The following LDAH variants were observed in gnomAD, a reference collection of about 807,000 sequenced individuals.
LDAH encodes lipid droplet associated hydrolase, also known as lipid droplet-associated hydrolase.
A neutral mutation model predicts 29.6 loss-of-function variants in LDAH; 26 were observed. The ratio of observed to expected loss-of-function variants is 0.88; its 90% CI spans 0.64 to 1.22. The LOEUF is 1.22. LDAH is among the 50% of genes most tolerant of loss of function. LDAH has a pLI of 0.00. For synonymous variants in LDAH, 117 were observed against 133.0 expected (o/e 0.88, Z 0.83); for missense variants, 344 against 387.3 (o/e 0.89, Z 0.94).
chr2:20,702,006 A>ATC (rs779253097), intron 5 of LDAH, among the ~76,000 whole-genome samples: 2 of 152,102 alleles, frequency 1.3e-5, no homozygotes, highest in Non-Finnish European at 2.9e-5. Flanking sequence ...TTACCAATAA[A>ATC]TCATGTATAC....
At chr2:20,722,415 G>A (rs1665718160) in intron 5 of LDAH, among the ~76,000 whole-genome samples, 1 of 149,460 alleles carries the variant, frequency 6.7e-6, no homozygotes, top group South Asian at 2.1e-4. Flanking sequence ...ATCTCACAGG[G>A]GTAGACAGTA....
chr2:20,732,355 T>C (rs969783666), intron 5 of LDAH, among the ~76,000 whole-genome samples: 1 of 152,140 alleles, frequency 6.6e-6, no homozygotes, highest in African/African-American at 2.4e-5. Context: ...TCTTCTTTTT[T>C]TGTATTATTT....
intron 4 of LDAH, among the ~76,000 whole-genome samples, chr2:20,745,175 T>C (rs567545544): frequency 2.4e-4 from 36 of 152,188 alleles, no homozygotes; most frequent in Non-Finnish European, 4.7e-4. Context: ...CACTTCAAAG[T>C]AGAAACACTG....
chr2:20,792,423 A>G (rs1558483616), intron 2 of LDAH, among the ~76,000 whole-genome samples: 5 of 152,186 alleles, frequency 3.3e-5, no homozygotes, highest in African/African-American at 1.2e-4. Context: ...CTTAGCCAAC[A>G]TCACATATAT....
At chr2:20,779,250 T>C (rs1033974222) in intron 3 of LDAH, among the ~76,000 whole-genome samples, 3 of 152,012 alleles carry the variant, frequency 2.0e-5, no homozygotes, top group Admixed American at 6.6e-5. Context: ...AAGATGAAAA[T>C]ACAGTTTCCT....
In LDAH at chr2:20,685,542, C is replaced by A; in HGVS notation, c.*1361G>T. On this transcript the variant is annotated 3_prime_UTR_variant, in exon 7 of 7. Transcript: ENST00000237822. ...CCAAAGCACAGTAACTCATTCAGCA[C>A]TTACCAATAAGTTGGCAGCAAATCA... The A allele has an allele frequency of 6.5e-7, 1 of 1,550,316 alleles. No individual in the cohort carries two copies. Among genetic ancestry groups the A allele is most frequent in the Admixed American group, 2.0e-5 (1 of 50,986 alleles).
Position 20,738,253 on chromosome 2 carries a change from A to AAATAACAAT in LDAH, c.703+1717_703+1718insATTGTTATT, listed in dbSNP as rs1326893906. Among the ~76,000 whole-genome samples, 243 of 141,776 alleles carry AAATAACAAT rather than the reference A, an allele frequency of 1.7e-3. 2 individuals carry two copies. The highest frequency in any genetic ancestry group is 6.3e-3 in the African/African-American group (228 of 36,280). The allele number at this position is 141,776 out of a possible 152,430, so 93.0% of individuals were successfully genotyped here. The stretch of plus-strand genomic sequence containing the variant: ...GGCAACAGAGTGAGATTCCATCTCA[A>AAATAACAAT]AATAATAATAATAATAATAATAATA... On this transcript the variant is annotated intron_variant, in intron 5 of 6. Coordinates refer to ENST00000237822, the MANE Select transcript of LDAH (RefSeq NM_021925.4).
intron 1 of LDAH, among the ~76,000 whole-genome samples, chr2:20,809,037 C>A (rs1235279496): frequency 6.6e-6 from 1 of 152,034 alleles, no homozygotes; most frequent in African/African-American, 2.4e-5. Flanking sequence ...TTGGAACATA[C>A]CTTTATGAGC....
chr2:20,774,214 T>C (rs1669631426), intron 4 of LDAH, among the ~76,000 whole-genome samples: 1 of 152,262 alleles, frequency 6.6e-6, no homozygotes, highest in Non-Finnish European at 1.5e-5. Context: ...TCCTGGGCAC[T>C]TTAAATAGGT....
intron 1 of LDAH, among the ~76,000 whole-genome samples, chr2:20,822,810 T>C (rs116640457): frequency 6.6e-6 from 1 of 152,148 alleles, no homozygotes; most frequent in East Asian, 1.9e-4. Flanking sequence ...ATTACCGCGC[T>C]CGGGTGAGCG....
At position 20,747,638 on chromosome 2, in the gene LDAH, A is replaced by C. The variant is rs572226297; in HGVS notation, c.469-7433T>G. Reference sequence around the variant, plus strand: ...CTTATTTACTAAGTATGCAGTTTATAAACTGCAAATGCCATTATATTTTAA... The same window carrying C: ...CTTATTTACTAAGTATGCAGTTTATCAACTGCAAATGCCATTATATTTTAA... On this transcript the variant is annotated intron_variant, in intron 4 of 6. Coordinates refer to ENST00000237822, the MANE Select transcript of LDAH (RefSeq NM_021925.4). Among the ~76,000 whole-genome samples the C allele has an allele frequency of 1.4e-3, 219 of 152,300 alleles. 4 individuals carry two copies. In the South Asian group the frequency reaches 0.042, roughly 29 times the overall value.
intron 4 of LDAH, among the ~76,000 whole-genome samples, chr2:20,774,503 G>A (rs542735637): frequency 5.3e-5 from 8 of 152,136 alleles, no homozygotes; most frequent in East Asian, 1.9e-4. Flanking sequence ...CCTAGTGACC[G>A]CTCTTAAATA....
At chr2:20,769,848 A>C (rs938818653) in intron 4 of LDAH, among the ~76,000 whole-genome samples, 2 of 152,306 alleles carry the variant, frequency 1.3e-5, no homozygotes, top group African/African-American at 4.8e-5. Context: ...TACTGAAAAA[A>C]ATTATAATGT....
At chr2:20,756,435 T>C (rs1016320339) in intron 4 of LDAH, among the ~76,000 whole-genome samples, 4 of 151,880 alleles carry the variant, frequency 2.6e-5, no homozygotes, top group Non-Finnish European at 5.9e-5. Flanking sequence ...TTTAAAAGCA[T>C]GAAGAAAGGA....
At chr2:20,808,344 A>G (rs1672219712) in intron 1 of LDAH, among the ~76,000 whole-genome samples, 1 of 152,162 alleles carries the variant, frequency 6.6e-6, no homozygotes, top group African/African-American at 2.4e-5. Context: ...TCTAATATGT[A>G]TGTGGAAGTG....
chr2:20,721,402 G>A (rs779199015), intron 5 of LDAH, among the ~76,000 whole-genome samples: 1 of 152,064 alleles, frequency 6.6e-6, no homozygotes, highest in Non-Finnish European at 1.5e-5. Context: ...TCAGGAAAAT[G>A]CAAATCAAAA....
intron 4 of LDAH, among the ~76,000 whole-genome samples, chr2:20,749,546 A>C (rs1273757169): frequency 6.6e-6 from 1 of 152,228 alleles, no homozygotes; most frequent in Non-Finnish European, 1.5e-5. Context: ...TATAGGGCAC[A>C]CAGCACAGCC....
intron 5 of LDAH, among the ~76,000 whole-genome samples, chr2:20,734,657 T>C (rs886426912): frequency 2.0e-5 from 3 of 152,202 alleles, no homozygotes; most frequent in Non-Finnish European, 4.4e-5. Context: ...ATTTTTGCTT[T>C]AACTGTTAAA....
intron 4 of LDAH, among the ~76,000 whole-genome samples, chr2:20,762,025 ATG>A (rs1355442414): frequency 6.6e-6 from 1 of 151,926 alleles, no homozygotes; most frequent in Non-Finnish European, 1.5e-5. Flanking sequence ...AAGCTTTTCC[ATG>A]TGTGATTTTT....
Sources: gnomAD v4.1 joint callset for allele counts (sites outside exome capture counted in the v4.1 genomes callset) on GRCh38, gnomAD v4.1.1 for gene constraint, MANE v1.5 for transcripts, NCBI Gene and HGNC (gene_info 2026-07-23, HGNC 2026-07-21) for gene names.